The following COL12A1 variants were observed in gnomAD, a reference collection of about 807,000 sequenced individuals.
The protein encoded by COL12A1 is collagen type XII alpha 1 chain, also known as collagen alpha-1(XII) chain.
In COL12A1, 114 loss-of-function variants were observed where a neutral mutation model predicts 349.7. The observed-to-expected ratio is 0.33, with a 90% CI of 0.28 to 0.38. COL12A1 has a LOEUF of 0.38. COL12A1 is among the 10% of genes least tolerant of loss of function. COL12A1 has a pLI of 1.00. For missense variants in COL12A1, 3,284 were observed against 3,756.9 expected (o/e 0.87, Z 3.29); for synonymous variants, 1,369 against 1,329.0 (o/e 1.03, Z -0.66).
At chr6:75,172,198 TATA>T (rs1229707953) in intron 13 of COL12A1, among the ~76,000 whole-genome samples, 2 of 152,232 alleles carry the variant, frequency 1.3e-5, no homozygotes, top group Non-Finnish European at 2.9e-5. Context: ...TGTGAAGAGC[TATA>T]ATATTATAAA....
chr6:75,188,388 A>C lies in COL12A1; in HGVS notation c.971T>G (p.Leu324Arg), dbSNP rs762612450. 8.1e-6 allele frequency: 13 copies of C among 1,613,204 alleles called. No individual in the cohort carries two copies. The highest frequency in any genetic ancestry group is 8.0e-5 in the African/African-American group (6 of 74,880). Residue 324 changes from leucine to arginine, a missense_variant, in exon 8 of 66, where the codon CTT becomes CGT. This residue lies in a region of COL12A1 where 2,601 missense variants were observed against 2,824.8 expected (regional missense o/e 0.92). Transcript: ENST00000322507. ...SQVCSGVDEQ[L>R]GELVSGEEVV... ...TTCTTCTCCACTAACCAATTCACCA[A>C]GTTGTTCATCAACACCTGAGCACAC...
chr6:75,172,014 T>A (rs561443220), intron 13 of COL12A1, among the ~76,000 whole-genome samples: 109 of 152,362 alleles, frequency 7.2e-4, no homozygotes, highest in African/African-American at 2.5e-3. Context: ...TGTATTTTTT[T>A]AAGCAAACTT....
intron 60 of COL12A1, among the ~76,000 whole-genome samples, chr6:75,093,117 C>A (rs1345322706): frequency 6.6e-6 from 1 of 152,164 alleles, no homozygotes; most frequent in Non-Finnish European, 1.5e-5. Flanking sequence ...CATTCTCTAA[C>A]CCCTTACTCT....
intron 26 of COL12A1, among the ~76,000 whole-genome samples, chr6:75,142,848 T>C (rs1766977935): frequency 6.6e-6 from 1 of 152,188 alleles, no homozygotes; most frequent in Non-Finnish European, 1.5e-5. Context: ...TTCTCTAGTG[T>C]CCTATCTTCC....
chr6:75,143,644 T>C (rs1037410500), intron 25 of COL12A1, among the ~76,000 whole-genome samples: 5 of 152,354 alleles, frequency 3.3e-5, no homozygotes, highest in East Asian at 3.9e-4. Context: ...TATATTACTC[T>C]TCTTCCACAT....
At chr6:75,133,221 G>T (rs1474554045) in intron 34 of COL12A1, 72 bp downstream of exon 34, 1 of 1,303,052 alleles carries the variant, frequency 7.7e-7, no homozygotes, top group Non-Finnish European at 1.0e-6. Context: ...TCTCTTTAAT[G>T]GGCCTTTATG....
chr6:75,142,133 G>C lies in COL12A1; in HGVS notation c.4856C>G (p.Thr1619Ser), dbSNP rs757815790. 4.3e-6 allele frequency: 7 copies of C among 1,614,152 alleles called. No individual in the cohort carries two copies. In the East Asian group the frequency reaches 1.6e-4, roughly 36 times the overall value. Reference sequence around the variant, plus strand: ...CTGTGAGAAGAGGTCTTTGAGGGAAGTGCTGGTCTCTGATCTGTCCACCTC... The same window carrying C: ...CTGTGAGAAGAGGTCTTTGAGGGAACTGCTGGTCTCTGATCTGTCCACCTC... ...EVEVDRSETS[T>S]SLKDLFSQTL... Residue 1619 changes from threonine to serine, a missense_variant, in exon 27 of 66, where the codon ACT becomes AGT. This residue lies in a region of COL12A1 where 2,601 missense variants were observed against 2,824.8 expected (regional missense o/e 0.92). Coordinates refer to ENST00000322507, the MANE Select transcript of COL12A1 (RefSeq NM_004370.6).
At chr6:75,164,574 T>C (rs1768186122) in intron 14 of COL12A1, among the ~76,000 whole-genome samples, 1 of 152,204 alleles carries the variant, frequency 6.6e-6, no homozygotes, top group Non-Finnish European at 1.5e-5. Flanking sequence ...TTTTAATAGA[T>C]TTTGTATTGT....
intron 14 of COL12A1, among the ~76,000 whole-genome samples, chr6:75,164,567 T>G (rs1462191424): frequency 2.6e-5 from 4 of 152,338 alleles, no homozygotes; most frequent in Non-Finnish European, 5.9e-5. Context: ...TGTTTGTTTT[T>G]AATAGATTTT....
chr6:75,172,944 A>G (rs1768714292), intron 13 of COL12A1, among the ~76,000 whole-genome samples: 1 of 152,208 alleles, frequency 6.6e-6, no homozygotes, highest in Admixed American at 6.5e-5. Flanking sequence ...GGACTTGAGT[A>G]TAAGAGGACT....
intron 63 of COL12A1, among the ~76,000 whole-genome samples, chr6:75,089,378 T>C (rs541784455): frequency 6.6e-6 from 1 of 152,296 alleles, no homozygotes; most frequent in East Asian, 1.9e-4. Context: ...AAAATTTGGC[T>C]ACAAGGCAGG....
In COL12A1 at chr6:75,119,060, A is replaced by G. The variant is rs1273061748; in HGVS notation, c.7337T>C (p.Leu2446Ser). The G allele has an allele frequency of 6.2e-7, 1 of 1,613,854 alleles. No individual in the cohort carries two copies. Among genetic ancestry groups the G allele is most frequent in the East Asian group, 2.2e-5 (1 of 44,892 alleles). Residue 2446 changes from leucine to serine, a missense_variant, in exon 46 of 66, where the codon TTG (leucine) becomes TCG (serine). Coordinates refer to ENST00000322507, the MANE Select transcript of COL12A1 (RefSeq NM_004370.6). ...RSQDEVKKAA[L>S]VIQQSGFSVF... ...GTGCTTGCCTGACTGCTGGATGACC[A>G]AAGCCGCCTTCTTGACCTCATCCTG...
chr6:75,197,957 G>A (rs1486559959), intron 2 of COL12A1, among the ~76,000 whole-genome samples: 1 of 152,122 alleles, frequency 6.6e-6, no homozygotes, highest in African/African-American at 2.4e-5. Context: ...CTCTATAACA[G>A]GCAGAGAGCT....
Position 75,202,749 on chromosome 6 carries a change from G to A in COL12A1, c.44C>T (p.Ala15Val), listed in dbSNP as rs1267769116. ...TGCCTCAATGGAAGACAGGAGCAGGGCCGCGCCCAGGGCGGCAAGCGCTGG... is the reference window on the plus strand; with the variant it reads ...TGCCTCAATGGAAGACAGGAGCAGGACCGCGCCCAGGGCGGCAAGCGCTGG... ...LPPALAALGA[A>V]LLLSSIEAEV... Residue 15 changes from alanine to valine, a missense_variant, in exon 2 of 66, where the codon GCC (alanine) becomes GTC (valine). Physicochemically the swap from Ala to Val is moderately conservative, Grantham distance 64 (BLOSUM62 0). This residue lies in a region of COL12A1 where 2,601 missense variants were observed against 2,824.8 expected (regional missense o/e 0.92). Coordinates refer to ENST00000322507, the MANE Select transcript of COL12A1 (RefSeq NM_004370.6). 3 of 1,551,956 alleles carry A rather than the reference G, an allele frequency of 1.9e-6. No homozygotes were observed. The highest frequency in any genetic ancestry group is 2.6e-6 in the Non-Finnish European group (3 of 1,147,062).
At chr6:75,103,273 C>T (rs374592295) in intron 55 of COL12A1, among the ~76,000 whole-genome samples, 15 of 152,302 alleles carry the variant, frequency 9.8e-5, no homozygotes, top group East Asian at 7.7e-4. Context: ...ACATTATCTT[C>T]ATAAAATATT....
Position 75,188,347 on chromosome 6 carries a change from A to C in COL12A1, c.997+15T>G, listed in dbSNP as rs2149473736. ...AAAAGACTAACACATGGGGAATGCTACACAGTCTACTCACCTTCTTCTCCA... is the reference window on the plus strand; with the variant it reads ...AAAAGACTAACACATGGGGAATGCTCCACAGTCTACTCACCTTCTTCTCCA... On this transcript the variant is annotated intron_variant, in intron 8 of 65. Coordinates refer to ENST00000322507, the MANE Select transcript of COL12A1 (RefSeq NM_004370.6). 1.2e-6 allele frequency: 2 copies of C among 1,609,138 alleles called. No homozygotes were observed. Among genetic ancestry groups the C allele is most frequent in the Non-Finnish European group, 1.7e-6 (2 of 1,178,026 alleles).
rs140671292 is a variant in COL12A1 at position 75,162,867 on chromosome 6, T to G, written c.2983+2640A>C. On this transcript the variant is annotated intron_variant, in intron 14 of 65. Transcript: ENST00000322507. ...GTTGGCAAAGGATATTAATGGACAC[T>G]TCTCAAAAGAAGACATTTATGCAGC... Among the ~76,000 whole-genome samples the G allele has an allele frequency of 7.9e-3, 1,204 of 152,284 alleles. 46 individuals are homozygous for G. The East Asian group carries it at 0.13, about 16-fold the overall frequency.
intron 44 of COL12A1, among the ~76,000 whole-genome samples, chr6:75,120,017 G>C (rs1330844320): frequency 6.6e-6 from 1 of 152,138 alleles, no homozygotes; most frequent in Non-Finnish European, 1.5e-5. Context: ...GCATTTAATA[G>C]CTATGTGACA....
chr6:75,151,829 G>C, intron 20 of COL12A1, 38 bp downstream of exon 20: 2 of 1,575,394 alleles, frequency 1.3e-6, no homozygotes, highest in Non-Finnish European at 1.7e-6. Context: ...CAGCACATTT[G>C]TAACCCCAGG....
Sources: allele counts gnomAD v4.1 joint callset (sites outside exome capture counted in the v4.1 genomes callset), GRCh38; gene constraint gnomAD v4.1.1; regional missense constraint gnomAD v4.1.1; transcripts MANE v1.5; gene names NCBI Gene and HGNC (gene_info 2026-07-23, HGNC 2026-07-21).